Variants in PRKG1 observed in about 807,000 individuals in gnomAD.
PRKG1 encodes protein kinase cGMP-dependent 1.
PRKG1 carries 35 observed loss-of-function variants against 88.1 expected under a neutral mutation model. The ratio of observed to expected loss-of-function variants is 0.40; its 90% CI spans 0.30 to 0.53. The LOEUF (loss-of-function observed/expected upper bound fraction) is 0.53. PRKG1 is among the 20% of genes least tolerant of loss of function. PRKG1 has a pLI of 0.59. For missense variants in PRKG1, 540 were observed against 839.8 expected, an observed-to-expected ratio of 0.64 and a Z score of 4.41; for synonymous variants, 303 against 292.5, an observed-to-expected ratio of 1.04 and a Z score of -0.37.
chr10:51,374,613 A>G (rs1239028908), intron 2 of PRKG1, among the ~76,000 whole-genome samples: 1 of 152,080 alleles, frequency 6.6e-6, no homozygotes, highest in Non-Finnish European at 1.5e-5. Context: ...GTGAGGACCC[A>G]GCATTCCTCC....
chr10:52,133,954 C>T, intron 8 of PRKG1, 49 bp downstream of exon 8: 15 of 1,406,870 alleles, frequency 1.1e-5, no homozygotes, highest in African/African-American at 1.4e-5. Flanking sequence ...ATCAGCAACA[C>T]ACATGAGTTC....
At chr10:51,464,785 G>GGAGGCT (rs1185839375) in intron 2 of PRKG1, among the ~76,000 whole-genome samples, 1 of 149,980 alleles carries the variant, frequency 6.7e-6, no homozygotes, top group Non-Finnish European at 1.5e-5. Flanking sequence ...CAGCTACTTG[G>GGAGGCT]GAGGCTGAGG....
chr10:52,132,899 C>A (rs1837304725), intron 7 of PRKG1, among the ~76,000 whole-genome samples: 1 of 152,078 alleles, frequency 6.6e-6, no homozygotes, highest in South Asian at 2.1e-4. Context: ...AATAAGCACA[C>A]TGTGGAGAAC....
chr10:51,340,822 G>A (rs1841987979), intron 2 of PRKG1, among the ~76,000 whole-genome samples: 2 of 152,176 alleles, frequency 1.3e-5, no homozygotes, highest in South Asian at 4.1e-4. Flanking sequence ...CATATGTCTG[G>A]AATGTCGTGA....
intron 1 of PRKG1, among the ~76,000 whole-genome samples, chr10:51,025,778 A>G (rs914046688): frequency 8.5e-5 from 13 of 152,148 alleles, no homozygotes; most frequent in African/African-American, 3.1e-4. Flanking sequence ...CATGGGCAAA[A>G]TTATTTGATT....
At chr10:51,274,683 G>A (rs975497046) in intron 2 of PRKG1, among the ~76,000 whole-genome samples, 1 of 152,218 alleles carries the variant, frequency 6.6e-6, no homozygotes, top group African/African-American at 2.4e-5. Context: ...TCTTCATGCA[G>A]TGGCTGATGC....
At chr10:51,172,640 GTATGTATGTATC>G (rs60854503) in intron 2 of PRKG1, among the ~76,000 whole-genome samples, 13,866 of 90,736 alleles carry the variant, frequency 0.15, 767 homozygotes, top group Admixed American at 0.19. Flanking sequence ...ATGTATGTAT[GTATGTATGTATC>G]TATCTATCTA....
chr10:52,065,027 C>A (rs1846324526), intron 7 of PRKG1, among the ~76,000 whole-genome samples: 1 of 152,128 alleles, frequency 6.6e-6, no homozygotes, highest in Non-Finnish European at 1.5e-5. Context: ...TAGAGGTGTA[C>A]TTCTGTGAGA....
intron 8 of PRKG1, among the ~76,000 whole-genome samples, chr10:52,139,097 A>G (rs549644495): frequency 9.2e-5 from 14 of 152,114 alleles, no homozygotes; most frequent in Non-Finnish European, 1.8e-4. Flanking sequence ...TAGATTTGGC[A>G]TTAGAGCTAG....
rs572621613 is a variant in PRKG1 at position 51,740,028 on chromosome 10, C to T, written c.593-64557C>T. On this transcript the variant is annotated intron_variant, in intron 3 of 17. Transcript: ENST00000373980. ...TCTTAAATATGATTGTATACCCACA[C>T]AGATATTTTTTTCTTTTGTGATAGA... is the stretch of plus-strand genomic sequence containing the variant. Among the ~76,000 whole-genome samples the T allele has an allele frequency of 2.6e-5, 4 of 152,212 alleles. No homozygotes were observed. The South Asian group carries it at 8.3e-4, about 32-fold the overall frequency.
chr10:51,690,089 A>C (rs1490805385), intron 3 of PRKG1, among the ~76,000 whole-genome samples: 3 of 152,144 alleles, frequency 2.0e-5, no homozygotes, highest in Non-Finnish European at 4.4e-5. Context: ...ATCATGACAA[A>C]GGGAAAGGGG....
intron 2 of PRKG1, among the ~76,000 whole-genome samples, chr10:51,344,842 T>C (rs1336189626): frequency 6.6e-6 from 1 of 152,218 alleles, no homozygotes; most frequent in African/African-American, 2.4e-5. Flanking sequence ...GGTAATTGCT[T>C]GCTCCCTTTG....
chr10:52,148,482 A>G (rs1230848190), intron 8 of PRKG1, among the ~76,000 whole-genome samples: 1 of 152,246 alleles, frequency 6.6e-6, no homozygotes, highest in Non-Finnish European at 1.5e-5. Flanking sequence ...ATCTTAAACA[A>G]GAAATATTTA....
chr10:51,697,754 C>G, intron 3 of PRKG1: 1 of 1,614,132 alleles, frequency 6.2e-7, no homozygotes, highest in Non-Finnish European at 8.5e-7. Context: ...GATACTCTGC[C>G]TTTGCTCAGG....
chr10:51,600,383 T>C (rs1838566917), intron 3 of PRKG1, among the ~76,000 whole-genome samples: 1 of 152,146 alleles, frequency 6.6e-6, no homozygotes, highest in Non-Finnish European at 1.5e-5. Flanking sequence ...TGAGAAGCCA[T>C]AAAGCTGGAA....
intron 2 of PRKG1, among the ~76,000 whole-genome samples, chr10:51,425,018 C>T (rs57764856): frequency 0.024 from 3,659 of 152,108 alleles, 102 homozygotes; most frequent in Middle Eastern, 0.058. Context: ...CCTTTCCTCC[C>T]ATCTTTCCTT....
intron 1 of PRKG1, among the ~76,000 whole-genome samples, chr10:51,123,041 C>A (rs981028586): frequency 3.9e-5 from 6 of 152,148 alleles, no homozygotes; most frequent in African/African-American, 1.4e-4. Flanking sequence ...ACAAAAGCCC[C>A]AATTCTATAA....
intron 1 of PRKG1, among the ~76,000 whole-genome samples, chr10:51,034,928 G>A (rs1216585084): frequency 6.6e-6 from 1 of 151,850 alleles, no homozygotes; most frequent in Non-Finnish European, 1.5e-5. Flanking sequence ...TCTCAGGCCT[G>A]TGCTAAGGTG....
At chr10:51,542,794 CGGCCTTCTCTTTCTGTGT>C (rs1326624065) in intron 3 of PRKG1, among the ~76,000 whole-genome samples, 1 of 152,160 alleles carries the variant, frequency 6.6e-6, no homozygotes, top group Non-Finnish European at 1.5e-5. Flanking sequence ...CATCTGAAGA[CGGCCTTCTCTTTCTGTGT>C]GGCCTTAGGC....
Sources: allele counts gnomAD v4.1 joint callset (sites outside exome capture counted in the v4.1 genomes callset), GRCh38; gene constraint gnomAD v4.1.1; transcripts MANE v1.5; gene names NCBI Gene and HGNC (gene_info 2026-07-23, HGNC 2026-07-21).